Variants in RAB31 observed in about 807,000 individuals in gnomAD.
RAB31 encodes ras-related protein Rab-31.
A neutral mutation model predicts 25.6 loss-of-function variants in RAB31; 21 were observed. The ratio of observed to expected loss-of-function variants is 0.82; its 90% CI spans 0.58 to 1.18. The LOEUF (loss-of-function observed/expected upper bound fraction) is 1.18. Ranked by LOEUF, RAB31 falls within the 50% of genes most tolerant of loss-of-function variation. The pLI is 0.00. For synonymous variants in RAB31, 87 were observed against 84.0 expected (o/e 1.04, Z -0.20); for missense variants, 196 against 250.1 (o/e 0.78, Z 1.46).
At chr18:9,758,315 C>T (rs1316518118) in intron 1 of RAB31, among the ~76,000 whole-genome samples, 1 of 152,142 alleles carries the variant, frequency 6.6e-6, no homozygotes, top group Non-Finnish European at 1.5e-5. Flanking sequence ...AAGCATAACC[C>T]AGGCCCCTCC....
intron 5 of RAB31, among the ~76,000 whole-genome samples, chr18:9,833,738 T>C (rs562961581): frequency 6.6e-6 from 1 of 152,328 alleles, no homozygotes; most frequent in East Asian, 1.9e-4. Flanking sequence ...CATCATTGTG[T>C]TCGTTATGGA....
intron 3 of RAB31, among the ~76,000 whole-genome samples, chr18:9,807,026 G>A (rs2068545154): frequency 6.6e-6 from 1 of 152,194 alleles, no homozygotes; most frequent in South Asian, 2.1e-4. Context: ...ATATCTGAAG[G>A]CTCTTGTGGA....
At chr18:9,753,834 A>G (rs1349740285) in intron 1 of RAB31, among the ~76,000 whole-genome samples, 1 of 152,236 alleles carries the variant, frequency 6.6e-6, no homozygotes, top group African/African-American at 2.4e-5. Flanking sequence ...AAGATCAAAT[A>G]CAACCATGAA....
At chr18:9,726,714 G>T (rs1425361459) in intron 1 of RAB31, among the ~76,000 whole-genome samples, 1 of 152,084 alleles carries the variant, frequency 6.6e-6, no homozygotes, top group Non-Finnish European at 1.5e-5. Context: ...GAATACTGTA[G>T]AACATCATTA....
chr18:9,731,304 C>T (rs2145465190), intron 1 of RAB31, among the ~76,000 whole-genome samples: 1 of 152,258 alleles, frequency 6.6e-6, no homozygotes, highest in South Asian at 2.1e-4. Flanking sequence ...CCTAAGCTTC[C>T]CTTGGTCTTT....
chr18:9,801,112 A>C (rs2068511902), intron 3 of RAB31, among the ~76,000 whole-genome samples: 1 of 152,182 alleles, frequency 6.6e-6, no homozygotes, highest in African/African-American at 2.4e-5. Context: ...ATCAAGGTTC[A>C]CCTTGTGGTG....
At chr18:9,792,260 A>G in intron 3 of RAB31, 25 bp downstream of exon 3, 3 of 1,598,180 alleles carry the variant, frequency 1.9e-6, no homozygotes, top group Non-Finnish European at 2.6e-6. Context: ...TTTTTTGGTG[A>G]AAACAAGATC....
At chr18:9,718,537 G>C (rs2068055605) in intron 1 of RAB31, among the ~76,000 whole-genome samples, 1 of 152,196 alleles carries the variant, frequency 6.6e-6, no homozygotes, top group Non-Finnish European at 1.5e-5. Context: ...GGGATTACAG[G>C]CATGAGCCAC....
chr18:9,823,442 A>G (rs1457201815), intron 5 of RAB31, among the ~76,000 whole-genome samples: 2 of 152,242 alleles, frequency 1.3e-5, no homozygotes, highest in Non-Finnish European at 2.9e-5. Flanking sequence ...TGAATAAGAT[A>G]GAATGCATCA....
intron 1 of RAB31, among the ~76,000 whole-genome samples, chr18:9,743,801 C>A (rs549229135): frequency 1.3e-5 from 2 of 152,374 alleles, no homozygotes; most frequent in African/African-American, 4.8e-5. Flanking sequence ...TTGGCACCTC[C>A]AGGACCTCTG....
intron 2 of RAB31, among the ~76,000 whole-genome samples, chr18:9,791,043 T>C (rs1277245954): frequency 6.6e-6 from 1 of 152,220 alleles, no homozygotes; most frequent in African/African-American, 2.4e-5. Flanking sequence ...AATCCTTTCT[T>C]TTTGGACTTA....
At chr18:9,837,202 C>T (rs58661082) in intron 5 of RAB31, among the ~76,000 whole-genome samples, 1,644 of 151,878 alleles carry the variant, frequency 0.011, 28 homozygotes, top group African/African-American at 0.038. Context: ...GTTTGAGGAA[C>T]GGTGTGAAAT....
chr18:9,752,093 G>C (rs2068238033), intron 1 of RAB31, among the ~76,000 whole-genome samples: 2 of 152,108 alleles, frequency 1.3e-5, no homozygotes, highest in South Asian at 4.1e-4. Context: ...GCTGCCTCCA[G>C]CCTCTACTCA....
At chr18:9,712,657 G>C (rs2068023407) in intron 1 of RAB31, among the ~76,000 whole-genome samples, 2 of 152,192 alleles carry the variant, frequency 1.3e-5, no homozygotes, top group Non-Finnish European at 2.9e-5. Flanking sequence ...CAGGAGGAAG[G>C]GAGAGAGTGG....
intron 1 of RAB31, among the ~76,000 whole-genome samples, chr18:9,761,392 G>A (rs117652912): frequency 0.016 from 2,477 of 152,326 alleles, 29 homozygotes; most frequent in Non-Finnish European, 0.026. Flanking sequence ...TAACAAGCCT[G>A]GAGAGTCAGT....
chr18:9,804,732 G>A (rs964167210), intron 3 of RAB31, among the ~76,000 whole-genome samples: 1 of 152,192 alleles, frequency 6.6e-6, no homozygotes, highest in African/African-American at 2.4e-5. Flanking sequence ...TCCTAACAGA[G>A]GCAGCTGGGC....
At chr18:9,755,439 A>G (rs1372223942) in intron 1 of RAB31, among the ~76,000 whole-genome samples, 2 of 152,206 alleles carry the variant, frequency 1.3e-5, no homozygotes, top group Non-Finnish European at 2.9e-5. Context: ...GTTTCAGATT[A>G]GTTTTCTGTG....
chr18:9,844,711 A>G (rs975966519), intron 5 of RAB31: 1 of 152,198 alleles, frequency 6.6e-6, no homozygotes, highest in Non-Finnish European at 1.5e-5. Context: ...CAGCATTTTC[A>G]CATTGAAAAG....
intron 1 of RAB31, among the ~76,000 whole-genome samples, chr18:9,725,780 G>A (rs1374100387): frequency 1.3e-5 from 2 of 152,182 alleles, no homozygotes; most frequent in African/African-American, 2.4e-5. Flanking sequence ...CAGGTTCTTT[G>A]GAGTTACAGG....
Sources: gnomAD v4.1 joint callset for allele counts (sites outside exome capture counted in the v4.1 genomes callset) on GRCh38, gnomAD v4.1.1 for gene constraint, MANE v1.5 for transcripts, NCBI Gene and HGNC (gene_info 2026-07-23, HGNC 2026-07-21) for gene names.